The following PLD3 variants were observed in gnomAD, a reference collection of about 807,000 sequenced individuals.
PLD3 encodes 5'-3' exonuclease PLD3.
A neutral mutation model predicts 58.4 loss-of-function variants in PLD3; 31 were observed. The ratio of observed to expected loss-of-function variants is 0.53; its 90% confidence interval spans 0.40 to 0.72. The LOEUF is 0.72. Among genes scored for constraint, PLD3 ranks in the 30% least tolerant of loss-of-function variants. PLD3 has a pLI of 0.00. For synonymous variants in PLD3, 264 were observed against 273.4 expected, an observed-to-expected ratio of 0.97 and a Z score of 0.34; for missense variants, 595 against 659.8, an observed-to-expected ratio of 0.90 and a Z score of 1.08.
chr19:40,366,368 T>C (rs1266033649), intron 2 of PLD3, 51 bp from the exon 3 acceptor site: 1 of 872,774 alleles, frequency 1.1e-6, no homozygotes, highest in Non-Finnish European at 2.0e-6. Flanking sequence ...GTGATGTCTG[T>C]CCCTGGAAAG....
intron 1 of PLD3, among the ~76,000 whole-genome samples, chr19:40,362,196 C>G (rs1023761697): frequency 2.6e-5 from 4 of 152,160 alleles, no homozygotes; most frequent in Non-Finnish European, 5.9e-5. Flanking sequence ...TAAAACAATA[C>G]CTGATGCACA....
chr19:40,368,722 G>A (rs917967340), intron 6 of PLD3, among the ~76,000 whole-genome samples: 1 of 151,982 alleles, frequency 6.6e-6, no homozygotes, highest in African/African-American at 2.4e-5. Context: ...GAGCAACATA[G>A]TGAGACCCGC....
In PLD3 at chr19:40,366,962, AG is replaced by A. The variant is rs768888669; in HGVS notation, c.245+49del. The A allele has an allele frequency of 1.9e-6, 3 of 1,555,094 alleles. No individual in the cohort carries two copies. In the African/African-American group the frequency reaches 4.1e-5, roughly 21 times the overall value. On this transcript the variant is annotated intron_variant, in intron 5 of 12. Coordinates refer to ENST00000409735, the MANE Select transcript of PLD3 (RefSeq NM_012268.4). ...TGGTGGGGGAGGGGCCTGCCAGACC[AG>A]GTACACTTAAGCACACACTAAACAG...
intron 1 of PLD3, among the ~76,000 whole-genome samples, chr19:40,355,189 C>T (rs2078624315): frequency 6.6e-6 from 1 of 152,162 alleles, no homozygotes; most frequent in African/African-American, 2.4e-5. Context: ...TGTGATGCCA[C>T]TGTCTCCCTC....
At chr19:40,375,555 CAGG>C (rs2079173843) in intron 10 of PLD3, among the ~76,000 whole-genome samples, 1 of 149,692 alleles carries the variant, frequency 6.7e-6, no homozygotes, top group Non-Finnish European at 1.5e-5. Flanking sequence ...GAGGCTGAGG[CAGG>C]AGAATCGCTT....
chr19:40,374,549 CAA>C lies in PLD3; in HGVS notation c.949_950del (p.Asn317CysfsTer29). ...TGAAGGCTCTACTCAACGTGGTGGA[CAA>C]TGCCCGGAGTTTCATCTACGTCGCT... ...DLKALLNVVDNARSFIYVAVM... is the reference protein window; with the variant it reads ...DLKALLNVVDXARSFIYVAVM... On this transcript the variant is annotated frameshift_variant, in exon 10 of 13. Transcript: ENST00000409735. LOFTEE classifies it high-confidence loss of function. The C allele has an allele frequency of 6.2e-7, 1 of 1,614,154 alleles. No individual in the cohort carries two copies. Among genetic ancestry groups the C allele is most frequent in the Non-Finnish European group, 8.5e-7 (1 of 1,180,012 alleles).
At chr19:40,352,459 T>C (rs1395342596) in intron 1 of PLD3, among the ~76,000 whole-genome samples, 1 of 152,014 alleles carries the variant, frequency 6.6e-6, no homozygotes, top group Non-Finnish European at 1.5e-5. Flanking sequence ...CCCTGGAAGC[T>C]TGAGGCAGCT....
chr19:40,371,557 T>C (rs1276815035), intron 8 of PLD3, 116 bp from the exon 9 acceptor site: 1 of 636,786 alleles, frequency 1.6e-6, no homozygotes, highest in Non-Finnish European at 2.8e-6. Context: ...CTATTGGAGC[T>C]GGGGTGGAGG....
intron 9 of PLD3, among the ~76,000 whole-genome samples, chr19:40,372,886 A>G (rs2079101375): frequency 6.6e-6 from 1 of 152,112 alleles, no homozygotes; most frequent in Non-Finnish European, 1.5e-5. Flanking sequence ...AAAAGAAAAA[A>G]TTCAGTTCCT....
chr19:40,349,749 G>A lies in PLD3; in HGVS notation c.-279+981G>A, dbSNP rs538199604. Among the ~76,000 whole-genome samples, 13 of 151,714 alleles carry A rather than the reference G, an allele frequency of 8.6e-5. No individual in the cohort carries two copies. In the East Asian group the frequency reaches 9.7e-4, roughly 11 times the overall value. ...CAAGGTGGGCGGATCACCTGATGTC[G>A]GGAGTTCGAGACCAGCCTGATCAAC... On this transcript the variant is annotated intron_variant, in intron 1 of 12. Coordinates refer to ENST00000409735, the MANE Select transcript of PLD3 (RefSeq NM_012268.4).
At chr19:40,353,924 TTGC>T (rs1004836334) in intron 1 of PLD3, among the ~76,000 whole-genome samples, 1 of 151,954 alleles carries the variant, frequency 6.6e-6, no homozygotes, top group African/African-American at 2.4e-5. Context: ...AGACAGGGTC[TTGC>T]TCTCTCACCC....
In PLD3 at chr19:40,376,652, G is replaced by A. The variant is rs757625779; in HGVS notation, c.1063G>A (p.Glu355Lys). Residue 355 changes from glutamate (E) to lysine (K), a missense_variant, in exon 11 of 13, where the codon GAG becomes AAG. Glu to Lys is a moderately conservative substitution (Grantham distance 56). Coordinates refer to ENST00000409735, the MANE Select transcript of PLD3 (RefSeq NM_012268.4). ...CGATGGGCTGCGGCGGGCCACCTAC[G>A]AGCGTGGCGTCAAGGTGCGCCTGCT... Reference protein sequence around the residue: ...IDDGLRRATYERGVKVRLLIS... With the variant: ...IDDGLRRATYKRGVKVRLLIS... The A allele has an allele frequency of 5.6e-6, 9 of 1,607,632 alleles. No individual in the cohort carries two copies. The highest frequency in any genetic ancestry group is 1.3e-5 in the African/African-American group (1 of 75,062).
At chr19:40,376,312 G>A (rs2079197957) in intron 10 of PLD3, 1 of 329,044 alleles carries the variant, frequency 3.0e-6, no homozygotes, top group Non-Finnish European at 5.6e-6. Flanking sequence ...CCGAGATTGT[G>A]CCATTGCACT....
chr19:40,378,086 C>T lies in PLD3; in HGVS notation c.1386C>T (p.Ala462=). 1 of 1,614,014 alleles carries T rather than the reference C, an allele frequency of 6.2e-7. No individual in the cohort carries two copies. Among genetic ancestry groups the T allele is most frequent in the South Asian group, 1.1e-5 (1 of 91,086 alleles). Residue 462 remains alanine (A), a synonymous_variant, in exon 13 of 13, where the codon GCC becomes GCT. Transcript: ENST00000409735. ...GRGGLRSQLE[A]IFLRDWDSPY... ...GCGGCCTGCGGAGCCAGCTGGAGGC[C>T]ATTTTCCTGAGGGACTGGGACTCCC...
intron 1 of PLD3, among the ~76,000 whole-genome samples, chr19:40,352,142 T>G (rs12460489): frequency 0.97 from 147,532 of 151,832 alleles, 71,691 homozygotes; most frequent in African/African-American, 0.99. Context: ...GCGTTGTGGC[T>G]TGTGCCTGTA....
chr19:40,353,484 A>C (rs1217229000), intron 1 of PLD3, among the ~76,000 whole-genome samples: 1 of 152,170 alleles, frequency 6.6e-6, no homozygotes, highest in Non-Finnish European at 1.5e-5. Context: ...CTAAGCAGGT[A>C]ATTTCCCTGA....
intron 1 of PLD3, chr19:40,360,263 C>T (rs1195239141): frequency 6.6e-6 from 1 of 152,490 alleles, no homozygotes; most frequent in African/African-American, 2.4e-5. Context: ...TTCTTCGACA[C>T]TTGGCTGACC....
chr19:40,377,854 G>C lies in PLD3; in HGVS notation c.1254G>C (p.Lys418Asn). 6.2e-7 allele frequency: 1 copy of C among 1,613,996 alleles called. No homozygotes were observed. Among genetic ancestry groups the C allele is most frequent in the South Asian group, 1.1e-5 (1 of 91,088 alleles). ...CATATGCCCGTGTCAACCACAACAA[G>C]TACATGGTGACTGAACGCGCCACCT... ...RIPYARVNHNKYMVTERATYI... is the reference protein window; with the variant it reads ...RIPYARVNHNNYMVTERATYI... Residue 418 changes from lysine to asparagine, a missense_variant, in exon 12 of 13, where the codon AAG becomes AAC. Physicochemically the swap from Lys to Asn is moderately conservative, Grantham distance 94. Transcript: ENST00000409735.
At chr19:40,366,707 G>T in intron 4 of PLD3, 23 bp downstream of exon 4, 2 of 1,613,680 alleles carry the variant, frequency 1.2e-6, no homozygotes, top group Non-Finnish European at 1.7e-6. Flanking sequence ...CGCCACCCTC[G>T]CTCTGTCTCA....
Sources: gnomAD v4.1 joint callset for allele counts (sites outside exome capture counted in the v4.1 genomes callset) on GRCh38, gnomAD v4.1.1 for gene constraint, MANE v1.5 for transcripts, NCBI Gene and HGNC (gene_info 2026-07-23, HGNC 2026-07-21) for gene names.